The following GALNT18 variants were observed in gnomAD, a reference collection of about 807,000 sequenced individuals.
GALNT18 encodes polypeptide N-acetylgalactosaminyltransferase 18, also known as GalNAc-transferase 18.
GALNT18 carries 44 observed loss-of-function variants against 69.5 expected under a neutral mutation model. That is an observed-to-expected ratio of 0.63 (90% confidence interval 0.50 to 0.81). The LOEUF (loss-of-function observed/expected upper bound fraction) is 0.81. Ranked by LOEUF, GALNT18 falls within the 40% of genes least tolerant of loss-of-function variation. GALNT18 has a pLI of 0.00. For synonymous variants in GALNT18, 364 were observed against 318.2 expected, an observed-to-expected ratio of 1.14 and a Z score of -1.53; for missense variants, 715 against 810.0, an observed-to-expected ratio of 0.88 and a Z score of 1.42.
chr11:11,508,898 G>T (rs1403902373), intron 1 of GALNT18, among the ~76,000 whole-genome samples: 1 of 152,118 alleles, frequency 6.6e-6, no homozygotes, highest in Non-Finnish European at 1.5e-5. Flanking sequence ...TGTGGAAATT[G>T]GTTTACAATA....
chr11:11,557,718 G>A (rs1158621247), intron 1 of GALNT18, among the ~76,000 whole-genome samples: 1 of 152,200 alleles, frequency 6.6e-6, no homozygotes, highest in Non-Finnish European at 1.5e-5. Flanking sequence ...ACCCAGAGAA[G>A]CAAAGCAATG....
rs773095119 is a variant in GALNT18, at chr11:11,372,711, G to C, written c.978-82C>G. ...AGCAGTAAGGCCTTCCTATCAGGAGGGTCTGGTTCTCTTCCTTCCTTTGCT... is the reference window on the plus strand; with the variant it reads ...AGCAGTAAGGCCTTCCTATCAGGAGCGTCTGGTTCTCTTCCTTCCTTTGCT... On this transcript the variant is annotated intron_variant, in intron 5 of 10. Coordinates refer to ENST00000227756, the MANE Select transcript of GALNT18 (RefSeq NM_198516.3). This position sits in a 1 kb window ranked among gnomAD's most constrained non-coding sequence, Gnocchi z 4.9. The C allele has an allele frequency of 2.3e-5, 25 of 1,071,018 alleles. No individual in the cohort carries two copies. Among genetic ancestry groups the C allele is most frequent in the Non-Finnish European group, 3.4e-5 (24 of 710,166 alleles). 66.3% of individuals were successfully genotyped at this position (1,071,018 alleles called of 1,614,324 possible).
At chr11:11,499,064 G>A (rs964881482) in intron 1 of GALNT18, among the ~76,000 whole-genome samples, 1 of 152,200 alleles carries the variant, frequency 6.6e-6, no homozygotes, top group Non-Finnish European at 1.5e-5. Context: ...TAGAGCCTCT[G>A]CTTTATGCCA....
chr11:11,491,047 C>A (rs889642838), intron 1 of GALNT18, among the ~76,000 whole-genome samples: 1 of 152,144 alleles, frequency 6.6e-6, no homozygotes, highest in Non-Finnish European at 1.5e-5. Context: ...GAGGCCAGAT[C>A]TAGGTCTAGC....
At chr11:11,271,810 G>A (rs1351132247) in intron 10 of GALNT18, among the ~76,000 whole-genome samples, 1 of 152,180 alleles carries the variant, frequency 6.6e-6, no homozygotes, top group Non-Finnish European at 1.5e-5. Flanking sequence ...GTCCTGACAT[G>A]CATGATTTTT....
In GALNT18 at chr11:11,523,043, G is replaced by C. The variant is rs11021895; in HGVS notation, c.236-74107C>G. ...AGGCAGAGGCTCTCCCTTACAAACT[G>C]CTTGCCAAGAAAGTAGCAATTTACA... On this transcript the variant is annotated intron_variant, in intron 1 of 10. Transcript: ENST00000227756. The surrounding 1 kb of genome is among the most constrained non-coding windows in gnomAD (Gnocchi z 4.3). 0.22 allele frequency among the ~76,000 whole-genome samples: 33,232 copies of C among 152,146 alleles called. 4,294 individuals carry two copies. The highest frequency in any genetic ancestry group is 0.27 in the Non-Finnish European group (18,452 of 67,996).
At chr11:11,425,202 T>C (rs901010816) in intron 3 of GALNT18, among the ~76,000 whole-genome samples, 1 of 152,194 alleles carries the variant, frequency 6.6e-6, no homozygotes, top group African/African-American at 2.4e-5. Context: ...TTGTATGCCT[T>C]CTCCTGGCAA....
chr11:11,414,162 T>C (rs1018380545), intron 3 of GALNT18, among the ~76,000 whole-genome samples: 1 of 152,204 alleles, frequency 6.6e-6, no homozygotes, highest in Non-Finnish European at 1.5e-5. Context: ...ATGTCTTGCC[T>C]GAAGCATCGC....
intron 1 of GALNT18, among the ~76,000 whole-genome samples, chr11:11,578,223 C>T (rs535283031): frequency 4.6e-5 from 7 of 151,376 alleles, no homozygotes; most frequent in Non-Finnish European, 1.0e-4. Context: ...AGGAGAACCC[C>T]AGCAGCCATC....
rs1442957942 is a variant in GALNT18 at position 11,590,657 on chromosome 11, G to T, written c.235+30702C>A. Reference sequence around the variant, plus strand: ...TGCTGTGAAGATTGACTTGAATCTTGTACAGTCACCCACCGCATGACGTTC... The same window carrying T: ...TGCTGTGAAGATTGACTTGAATCTTTTACAGTCACCCACCGCATGACGTTC... On this transcript the variant is annotated intron_variant, in intron 1 of 10. Transcript: ENST00000227756. This position sits in a 1 kb window ranked among gnomAD's most constrained non-coding sequence, Gnocchi z 4.4. Among the ~76,000 whole-genome samples, 1 of 152,140 alleles carries T rather than the reference G, an allele frequency of 6.6e-6. No individual in the cohort carries two copies. The highest frequency in any genetic ancestry group is 1.9e-4 in the East Asian group (1 of 5,188).
intron 1 of GALNT18, among the ~76,000 whole-genome samples, chr11:11,477,524 T>C (rs1273380141): frequency 6.6e-6 from 1 of 152,086 alleles, no homozygotes; most frequent in Non-Finnish European, 1.5e-5. Flanking sequence ...TTCCTCTCCC[T>C]CCTCCTTTCT....
rs558860900 is a variant in GALNT18, at chr11:11,372,923, G to A, written c.978-294C>T. ...GGTGCTCAGCCTGCCAGTCTAGGTTGACTGTATCTCCCGCTGCCCTGACCC... is the reference window on the plus strand; with the variant it reads ...GGTGCTCAGCCTGCCAGTCTAGGTTAACTGTATCTCCCGCTGCCCTGACCC... On this transcript the variant is annotated intron_variant, in intron 5 of 10. Coordinates refer to ENST00000227756, the MANE Select transcript of GALNT18 (RefSeq NM_198516.3). This position sits in a 1 kb window ranked among gnomAD's most constrained non-coding sequence, Gnocchi z 4.9. 6.6e-6 allele frequency among the ~76,000 whole-genome samples: 1 copy of A among 152,250 alleles called. No homozygotes were observed. Among genetic ancestry groups the A allele is most frequent in the African/African-American group, 2.4e-5 (1 of 41,550 alleles).
chr11:11,472,252 C>A (rs1402261786), intron 1 of GALNT18, among the ~76,000 whole-genome samples: 2 of 152,184 alleles, frequency 1.3e-5, no homozygotes, highest in Non-Finnish European at 2.9e-5. Context: ...GGCCTGGTGC[C>A]AATGCCTGGC....
intron 1 of GALNT18, among the ~76,000 whole-genome samples, chr11:11,521,521 A>G (rs750510064): frequency 6.6e-6 from 1 of 152,108 alleles, no homozygotes; most frequent in Non-Finnish European, 1.5e-5. Flanking sequence ...ACAGATGCTC[A>G]GGAGGTCAGA....
intron 1 of GALNT18, among the ~76,000 whole-genome samples, chr11:11,612,856 G>T (rs142526190): frequency 4.7e-4 from 71 of 152,324 alleles, no homozygotes; most frequent in African/African-American, 1.6e-3. Context: ...CACTTCTCTG[G>T]ATCTTCCCAA....
chr11:11,566,804 C>G (rs1858664294), intron 1 of GALNT18, among the ~76,000 whole-genome samples: 1 of 151,972 alleles, frequency 6.6e-6, no homozygotes, highest in African/African-American at 2.4e-5. Flanking sequence ...ATGAACAGAC[C>G]ACTTTGAACC....
At chr11:11,407,239 A>C (rs1202923906) in intron 3 of GALNT18, among the ~76,000 whole-genome samples, 1 of 152,332 alleles carries the variant, frequency 6.6e-6, no homozygotes, top group East Asian at 1.9e-4. Context: ...CTGGTTTTAA[A>C]GGTTGGCGTG....
chr11:11,290,591 C>G (rs1464447156), intron 10 of GALNT18, among the ~76,000 whole-genome samples: 1 of 152,208 alleles, frequency 6.6e-6, no homozygotes, highest in Non-Finnish European at 1.5e-5. Context: ...ACAACTTTCA[C>G]ACATGCTGTT....
intron 5 of GALNT18, among the ~76,000 whole-genome samples, chr11:11,373,763 T>C (rs906169918): frequency 1.3e-5 from 2 of 152,206 alleles, no homozygotes; most frequent in African/African-American, 4.8e-5. Flanking sequence ...TGAGTTAGCG[T>C]GAGAGCACGG....
Sources: allele counts gnomAD v4.1 joint callset (sites outside exome capture counted in the v4.1 genomes callset), GRCh38; gene constraint gnomAD v4.1.1; non-coding constraint Gnocchi (gnomAD v3.1); transcripts MANE v1.5; gene names NCBI Gene and HGNC (gene_info 2026-07-23, HGNC 2026-07-21).